CDH9: variants seen among roughly 807,000 people sequenced by gnomAD.
CDH9 encodes the protein cadherin-9.
In CDH9, 28 loss-of-function variants were observed where a neutral mutation model predicts 70.9. The ratio of observed to expected loss-of-function variants is 0.40; its 90% CI spans 0.29 to 0.54. The LOEUF (loss-of-function observed/expected upper bound fraction) is 0.54. CDH9 is among the 20% of genes least tolerant of loss of function. The probability of loss-of-function intolerance (pLI) is 0.59; values close to 1 mark genes in which losing one functional copy is unlikely to be tolerated. For synonymous variants in CDH9, 409 were observed against 343.1 expected (o/e 1.19, Z -2.12); for missense variants, 874 against 984.4 (o/e 0.89, Z 1.50).
chr5:26,893,682 T>TA lies in CDH9; in HGVS notation c.1254-3119_1254-3118insT, dbSNP rs1277100017. Among the ~76,000 whole-genome samples, 48 of 83,302 alleles carry TA rather than the reference T, an allele frequency of 5.8e-4. 1 individual carries two copies. The highest frequency in any genetic ancestry group is 8.3e-4 in the East Asian group (2 of 2,416). The allele number at this position is 83,302 out of a possible 152,430, so 54.6% of individuals were successfully genotyped here. A position where few individuals can be genotyped will look rare whatever the true frequency, so the allele number is the denominator to read the frequency against. On this transcript the variant is annotated intron_variant, in intron 7 of 11. Coordinates refer to ENST00000231021, the MANE Select transcript of CDH9 (RefSeq NM_016279.4). ...GAATGCATAACAGCATATATATATA[T>TA]TTTATTTTATTTTATTTTATTTTTA...
chr5:26,993,102 CAAAA>C (rs34636129), intron 1 of CDH9, among the ~76,000 whole-genome samples: 1 of 104,378 alleles, frequency 9.6e-6, no homozygotes. Flanking sequence ...ACTCCGTCTC[CAAAA>C]AAAAAAAAAA....
In CDH9 at chr5:26,881,009, A is replaced by T. The variant is rs532318023; in HGVS notation, c.*127T>A. 2 of 783,832 alleles carry T rather than the reference A, an allele frequency of 2.6e-6. No individual in the cohort carries two copies. Among genetic ancestry groups the T allele is most frequent in the Admixed American group, 5.2e-5 (2 of 38,482 alleles). 48.6% of individuals were successfully genotyped at this position (783,832 alleles called of 1,614,324 possible). On this transcript the variant is annotated 3_prime_UTR_variant, in exon 12 of 12. Coordinates refer to ENST00000231021, the MANE Select transcript of CDH9 (RefSeq NM_016279.4). ...TACTGATTAAGCAAATCCCTACTTGACAACATCTACGTATTGTTTGTAACT... is the reference window on the plus strand; with the variant it reads ...TACTGATTAAGCAAATCCCTACTTGTCAACATCTACGTATTGTTTGTAACT...
rs1740883929 is a variant in CDH9 at position 26,903,002 on chromosome 5, A to G, written c.1000-273T>C. 1.3e-5 allele frequency: 4 copies of G among 310,186 alleles called. No homozygotes were observed. In the South Asian group the frequency reaches 2.2e-4, roughly 17 times the overall value. The allele number at this position is 310,186 out of a possible 1,614,324, so 19.2% of individuals were successfully genotyped here. ...TTTTTTGGTGACAAGTAAATGAAGT[A>G]TTATCTAATGGATTTATACATTATG... On this transcript the variant is annotated intron_variant, in intron 6 of 11. Coordinates refer to ENST00000231021, the MANE Select transcript of CDH9 (RefSeq NM_016279.4).
chr5:27,003,341 T>C (rs1400451561), intron 1 of CDH9, among the ~76,000 whole-genome samples: 3 of 152,130 alleles, frequency 2.0e-5, no homozygotes, highest in Non-Finnish European at 1.5e-5. Context: ...ATAATGTATG[T>C]GAATACTCTG....
chr5:26,910,775 G>A (rs190953462), intron 3 of CDH9, among the ~76,000 whole-genome samples: 94 of 152,320 alleles, frequency 6.2e-4, no homozygotes, highest in African/African-American at 2.1e-3. Context: ...AGTGAAAAAC[G>A]AGTTTAGTCT....
At chr5:26,941,192 C>A (rs1741656402) in intron 2 of CDH9, among the ~76,000 whole-genome samples, 1 of 152,178 alleles carries the variant, frequency 6.6e-6, no homozygotes, top group African/African-American at 2.4e-5. Context: ...TAGCTATAAA[C>A]AATGATGAAT....
At chr5:26,902,903 C>A in intron 6 of CDH9, 174 bp from the exon 7 acceptor site, 1 of 545,064 alleles carries the variant, frequency 1.8e-6, no homozygotes, top group Non-Finnish European at 3.3e-6. Context: ...TTGCCATACA[C>A]TTATTCACAG....
At chr5:26,902,771 G>T in intron 6 of CDH9, 42 bp from the exon 7 acceptor site, 2 of 1,213,422 alleles carry the variant, frequency 1.6e-6, no homozygotes, top group Non-Finnish European at 1.2e-6. Context: ...TAATTCAGAA[G>T]ATATGACAAT....
intron 1 of CDH9, among the ~76,000 whole-genome samples, chr5:26,996,005 C>G (rs536899568): frequency 6.6e-6 from 1 of 151,688 alleles, no homozygotes; most frequent in African/African-American, 2.4e-5. Flanking sequence ...ATTTGTATGT[C>G]AAAAAAGGTG....
chr5:26,992,832 C>T (rs953011348), intron 1 of CDH9, among the ~76,000 whole-genome samples: 3 of 152,134 alleles, frequency 2.0e-5, no homozygotes, highest in Non-Finnish European at 2.9e-5. Context: ...CGTGGTGGCT[C>T]AGGCCTGTAA....
At chr5:26,944,943 A>G (rs914885562) in intron 2 of CDH9, among the ~76,000 whole-genome samples, 2 of 120,340 alleles carry the variant, frequency 1.7e-5, no homozygotes, top group African/African-American at 5.5e-5. Flanking sequence ...AATCTTTGAT[A>G]TACACTATTA....
chr5:27,028,680 C>A (rs1450431599), intron 1 of CDH9, among the ~76,000 whole-genome samples: 1 of 151,920 alleles, frequency 6.6e-6, no homozygotes, highest in East Asian at 1.9e-4. Context: ...TGACAAAATT[C>A]TGTTTCAAGT....
chr5:26,965,306 TA>T (rs1264120420), intron 2 of CDH9, among the ~76,000 whole-genome samples: 1 of 152,120 alleles, frequency 6.6e-6, no homozygotes, highest in Non-Finnish European at 1.5e-5. Context: ...CTGGGCACAG[TA>T]GCTTGCACCT....
At chr5:26,969,000 C>A (rs1742174091) in intron 2 of CDH9, among the ~76,000 whole-genome samples, 1 of 152,174 alleles carries the variant, frequency 6.6e-6, no homozygotes, top group African/African-American at 2.4e-5. Context: ...CGTTTGCCCT[C>A]CTAAAACCTC....
intron 1 of CDH9, among the ~76,000 whole-genome samples, chr5:26,997,325 G>A (rs574369029): frequency 7.9e-5 from 12 of 151,928 alleles, no homozygotes; most frequent in Non-Finnish European, 1.3e-4. Flanking sequence ...AAGGATAAAC[G>A]TAAGCAATTT....
intron 2 of CDH9, among the ~76,000 whole-genome samples, chr5:26,959,000 A>G (rs986888897): frequency 1.3e-5 from 2 of 152,166 alleles, no homozygotes; most frequent in African/African-American, 4.8e-5. Context: ...AAGACAATAT[A>G]GGTAAATTGG....
chr5:26,897,570 C>T (rs916136945), intron 7 of CDH9, among the ~76,000 whole-genome samples: 3 of 152,140 alleles, frequency 2.0e-5, no homozygotes, highest in African/African-American at 4.8e-5. Context: ...ACAAAAACCA[C>T]ATGATTATCT....
At chr5:26,927,840 C>A (rs1741370790) in intron 2 of CDH9, among the ~76,000 whole-genome samples, 1 of 151,998 alleles carries the variant, frequency 6.6e-6, no homozygotes, top group Non-Finnish European at 1.5e-5. Context: ...CCTTGTAATT[C>A]CATGACACTG....
intron 3 of CDH9, among the ~76,000 whole-genome samples, chr5:26,908,339 TG>T (rs1740985478): frequency 2.2e-5 from 1 of 45,838 alleles, no homozygotes; most frequent in Non-Finnish European, 5.7e-5. Flanking sequence ...GTTCAACAAG[TG>T]TTTTTTTTTA....
Sources: gnomAD v4.1 joint callset for allele counts (sites outside exome capture counted in the v4.1 genomes callset) on GRCh38, gnomAD v4.1.1 for gene constraint, MANE v1.5 for transcripts, NCBI Gene and HGNC (gene_info 2026-07-23, HGNC 2026-07-21) for gene names.